The following SLC5A4 variants were observed in gnomAD, a reference collection of about 807,000 sequenced individuals.
SLC5A4 encodes the protein solute carrier family 5 member 4, also known as probable glucose sensor protein SLC5A4.
A neutral mutation model predicts 70.3 loss-of-function variants in SLC5A4; 55 were observed. That is an observed-to-expected ratio of 0.78 (90% CI 0.63 to 0.98). SLC5A4 has a LOEUF of 0.98. Ranked by LOEUF, SLC5A4 falls within the 50% of genes least tolerant of loss-of-function variation. SLC5A4 has a pLI of 0.00. For missense variants in SLC5A4, 735 were observed against 839.2 expected, an observed-to-expected ratio of 0.88 and a Z score of 1.53; for synonymous variants, 268 against 305.7, an observed-to-expected ratio of 0.88 and a Z score of 1.29.
At chr22:32,230,924 T>A (rs1925714594) in intron 10 of SLC5A4, 44 bp downstream of exon 10, 1 of 1,270,280 alleles carries the variant, frequency 7.9e-7, no homozygotes, top group African/African-American at 1.5e-5. Flanking sequence ...GAGGCCCGTC[T>A]TAGACAGGCC....
the SLC5A4 span, among the ~76,000 whole-genome samples, chr22:32,324,002 A>T: frequency 6.6e-6 from 1 of 152,210 alleles, no homozygotes; most frequent in Admixed American, 6.5e-5. Flanking sequence ...TGCATTCCCC[A>T]GAGCGGTGTC....
the SLC5A4 span, chr22:32,273,211 TA>T: frequency 8.5e-6 from 3 of 352,276 alleles, no homozygotes; most frequent in Non-Finnish European, 1.7e-5. Context: ...CATCTGATAC[TA>T]TGTATCAAGA....
the SLC5A4 span, among the ~76,000 whole-genome samples, chr22:32,278,865 C>G: frequency 2.0e-5 from 3 of 152,162 alleles, no homozygotes; most frequent in Non-Finnish European, 4.4e-5. Flanking sequence ...CAGATCAAGT[C>G]AGATACAGTT....
At chr22:32,243,918 G>A (rs1926672772) in intron 5 of SLC5A4, among the ~76,000 whole-genome samples, 1 of 152,182 alleles carries the variant, frequency 6.6e-6, no homozygotes, top group African/African-American at 2.4e-5. Context: ...GAACCTGGGA[G>A]GCAGAGGTTG....
At chr22:32,318,342 C>T in the SLC5A4 span, among the ~76,000 whole-genome samples, 2 of 152,098 alleles carry the variant, frequency 1.3e-5, no homozygotes, top group South Asian at 2.1e-4. Context: ...TGATGGCCAA[C>T]GTGTCTACTC....
intron 11 of SLC5A4, among the ~76,000 whole-genome samples, chr22:32,228,405 G>A (rs1276033319): frequency 5.3e-5 from 8 of 151,966 alleles, no homozygotes; most frequent in Admixed American, 3.9e-4. Flanking sequence ...ATCTGGGCAT[G>A]GTGGCGGGCA....
intron 1 of SLC5A4, 59 bp downstream of exon 1, chr22:32,255,136 T>TGG: frequency 6.7e-7 from 1 of 1,493,620 alleles, no homozygotes; most frequent in Non-Finnish European, 9.3e-7. Context: ...CCTTCCCCCC[T>TGG]TAAGATACCC....
rs1469131886 is a variant in SLC5A4, at chr22:32,254,212, G to T, written c.137C>A (p.Ala46Glu). The T allele has an allele frequency of 6.2e-7, 1 of 1,612,650 alleles. No homozygotes were observed. Among genetic ancestry groups the T allele is most frequent in the East Asian group, 2.2e-5 (1 of 44,856 alleles). Residue 46 changes from alanine (A) to glutamate (E), a missense_variant and splice_region_variant, in exon 2 of 15, where the codon GCG becomes GAG. Physicochemically the swap from Ala to Glu is moderately radical, Grantham distance 107. Coordinates refer to ENST00000266086, the MANE Select transcript of SLC5A4 (RefSeq NM_014227.3). ...AGTACCTCGGTTGGTCTTCAGCATC[G>T]CCTGAGCAGAAGGGAAGACAGGTGA... ...FLVVMAVGLW[A>E]MLKTNRGTIG... is the part of the protein sequence containing the mutation.
At chr22:32,300,148 G>A in the SLC5A4 span, among the ~76,000 whole-genome samples, 1 of 152,278 alleles carries the variant, frequency 6.6e-6, no homozygotes, top group Non-Finnish European at 1.5e-5. Flanking sequence ...GCCTACAGAG[G>A]CAGGCAGGCC....
the SLC5A4 span, among the ~76,000 whole-genome samples, chr22:32,316,934 C>CTGTGTGTGTGTGTGTGTGTGTGTG: frequency 1.9e-3 from 283 of 148,712 alleles, 1 homozygote; most frequent in African/African-American, 6.3e-3. Flanking sequence ...ATTAACAACT[C>CTGTGTGTGTGTGTGTGTGTGTGTG]TGTGTGTGTG....
the SLC5A4 span, among the ~76,000 whole-genome samples, chr22:32,291,320 C>T: frequency 8.0e-4 from 121 of 151,396 alleles, no homozygotes; most frequent in African/African-American, 2.9e-3. Context: ...GGATTACAGG[C>T]GTGCGCCACC....
the SLC5A4 span, chr22:32,271,308 G>A: frequency 9.4e-6 from 7 of 743,174 alleles, no homozygotes; most frequent in African/African-American, 1.7e-5. Flanking sequence ...GCAGGGAGGA[G>A]GCCATGTGCC....
At chr22:32,323,475 C>G in the SLC5A4 span, among the ~76,000 whole-genome samples, 1 of 152,248 alleles carries the variant, frequency 6.6e-6, no homozygotes, top group Non-Finnish European at 1.5e-5. Context: ...CCATCTCCAA[C>G]CTCCATGCTG....
At chr22:32,287,460 T>TTAAAAG in the SLC5A4 span, among the ~76,000 whole-genome samples, 42,636 of 151,708 alleles carry the variant, frequency 0.28, 6,015 homozygotes, top group African/African-American at 0.32. Flanking sequence ...TTCTCTCCGT[T>TTAAAAG]TAAAAGTGTT....
At chr22:32,301,107 C>T in the SLC5A4 span, among the ~76,000 whole-genome samples, 19 of 152,128 alleles carry the variant, frequency 1.2e-4, no homozygotes, top group South Asian at 2.1e-4. Context: ...GGCTTACAGG[C>T]GCCCACCACT....
At chr22:32,239,551 T>TAA (rs1488586855) in intron 5 of SLC5A4, among the ~76,000 whole-genome samples, 1 of 14,956 alleles carries the variant, frequency 6.7e-5, no homozygotes, top group African/African-American at 6.1e-4. Flanking sequence ...TATATATATA[T>TAA]ATATATATAT....
the SLC5A4 span, among the ~76,000 whole-genome samples, chr22:32,345,051 G>T: frequency 6.6e-6 from 1 of 152,038 alleles, no homozygotes; most frequent in Non-Finnish European, 1.5e-5. Flanking sequence ...ATCCTCCAGG[G>T]ATACTTCTAT....
chr22:32,341,081 C>T, the SLC5A4 span, among the ~76,000 whole-genome samples: 6 of 152,056 alleles, frequency 3.9e-5, no homozygotes, highest in East Asian at 1.9e-4. Flanking sequence ...GCAGCGGGGA[C>T]GTGGATGTGC....
chr22:32,333,664 G>T, the SLC5A4 span, among the ~76,000 whole-genome samples: 5 of 151,918 alleles, frequency 3.3e-5, no homozygotes, highest in Admixed American at 2.0e-4. Flanking sequence ...TGCATTCCTG[G>T]CCCGCCCCTG....
Sources: gnomAD v4.1 joint callset for allele counts (sites outside exome capture counted in the v4.1 genomes callset) on GRCh38, gnomAD v4.1.1 for gene constraint, MANE v1.5 for transcripts, NCBI Gene and HGNC (gene_info 2026-07-23, HGNC 2026-07-21) for gene names.